The following PHKB variants were observed in gnomAD, a reference collection of about 807,000 sequenced individuals.
PHKB encodes the protein phosphorylase b kinase regulatory subunit beta.
In PHKB, 122 loss-of-function variants were observed where a neutral mutation model predicts 152.1. The observed-to-expected ratio is 0.80, with a 90% CI of 0.69 to 0.93. PHKB has a LOEUF of 0.93. Ranked by LOEUF, PHKB falls within the 40% of genes least tolerant of loss-of-function variation. PHKB has a pLI of 0.00. For synonymous variants in PHKB, 436 were observed against 464.9 expected, an observed-to-expected ratio of 0.94 and a Z score of 0.80; for missense variants, 1,304 against 1,328.4, an observed-to-expected ratio of 0.98 and a Z score of 0.29.
intron 4 of PHKB, among the ~76,000 whole-genome samples, chr16:47,508,285 C>G (rs1340540654): frequency 6.6e-6 from 1 of 152,164 alleles, no homozygotes; most frequent in Non-Finnish European, 1.5e-5. Flanking sequence ...TTTTACCTCT[C>G]AGTGTGCAGA....
intron 14 of PHKB, chr16:47,619,176 C>G (rs940809526): frequency 1.3e-5 from 2 of 152,070 alleles, no homozygotes; most frequent in African/African-American, 4.8e-5. Context: ...CTCCAAGGTC[C>G]CACAGTTGTC....
At chr16:47,627,719 G>A (rs1308000374) in intron 14 of PHKB, among the ~76,000 whole-genome samples, 1 of 152,144 alleles carries the variant, frequency 6.6e-6, no homozygotes, top group Non-Finnish European at 1.5e-5. Flanking sequence ...GCTTGATATT[G>A]TTATTCCTCT....
At chr16:47,528,356 T>G (rs2151659868) in intron 6 of PHKB, among the ~76,000 whole-genome samples, 1 of 152,310 alleles carries the variant, frequency 6.6e-6, no homozygotes, top group South Asian at 2.1e-4. Context: ...TCTTACTTTT[T>G]CTCTTCATCT....
chr16:47,524,162 A>G (rs974543706), intron 6 of PHKB, among the ~76,000 whole-genome samples: 5 of 152,112 alleles, frequency 3.3e-5, no homozygotes, highest in Admixed American at 3.3e-4. Context: ...AGTTTTGTCA[A>G]TATTCTTACT....
At chr16:47,464,019 T>A in intron 1 of PHKB, 1 of 1,379,142 alleles carries the variant, frequency 7.3e-7, no homozygotes, top group Non-Finnish European at 1.0e-6. Flanking sequence ...CCCAAAAGGG[T>A]CACTTGGTAA....
At chr16:47,657,231 C>T (rs543719070) in intron 20 of PHKB, among the ~76,000 whole-genome samples, 2 of 152,302 alleles carry the variant, frequency 1.3e-5, no homozygotes, top group East Asian at 1.9e-4. Context: ...GTACTCTCCT[C>T]ACTACTGTTA....
chr16:47,635,366 T>A (rs1042425395), intron 14 of PHKB, among the ~76,000 whole-genome samples: 2 of 152,206 alleles, frequency 1.3e-5, no homozygotes, highest in Non-Finnish European at 2.9e-5. Flanking sequence ...TTTAAGAGTA[T>A]ATAATTTAAT....
chr16:47,606,238 A>G (rs924868509), intron 13 of PHKB, among the ~76,000 whole-genome samples: 9 of 152,214 alleles, frequency 5.9e-5, no homozygotes, highest in Non-Finnish European at 1.2e-4. Flanking sequence ...AACAATGCAG[A>G]TGTGCCTGGA....
chr16:47,522,394 AT>A (rs1970699505), intron 6 of PHKB, among the ~76,000 whole-genome samples: 2 of 151,762 alleles, frequency 1.3e-5, no homozygotes, highest in African/African-American at 4.8e-5. Context: ...AATGTCCCTT[AT>A]TTCATCCTTC....
chr16:47,598,791 T>A, intron 13 of PHKB: 1 of 1,585,696 alleles, frequency 6.3e-7, no homozygotes, highest in African/African-American at 1.3e-5. Flanking sequence ...TGCCTTGAAG[T>A]TGGTCTTCTA....
chr16:47,580,573 AAAG>A (rs1466541969), intron 8 of PHKB, among the ~76,000 whole-genome samples: 2 of 151,592 alleles, frequency 1.3e-5, no homozygotes, highest in Non-Finnish European at 1.5e-5. Flanking sequence ...AAAAAAAAAA[AAAG>A]AAAATTTTTT....
At chr16:47,655,337 TAAG>T (rs1973316918) in intron 20 of PHKB, among the ~76,000 whole-genome samples, 1 of 152,226 alleles carries the variant, frequency 6.6e-6, no homozygotes, top group African/African-American at 2.4e-5. Flanking sequence ...ATGTTTATTT[TAAG>T]AAGAAATCAA....
In PHKB at chr16:47,580,304, T is replaced by C. The variant is rs901695491; in HGVS notation, c.720T>C (p.Gly240=). ...GSTELHSSSV[G]LAKAALEAIN... ...TCCTTTTCTCTTTTAGCTCGGTTGG[T>C]TTAGCAAAAGCAGCTCTAGAAGCAA... is the stretch of plus-strand genomic sequence containing the variant. The change falls in exon 8 of 31, where the codon GGT becomes GGC. Residue 240 remains glycine (G), a synonymous_variant. Coordinates refer to ENST00000323584, the MANE Select transcript of PHKB (RefSeq NM_000293.3). 5 of 1,612,686 alleles carry C rather than the reference T, an allele frequency of 3.1e-6. No individual in the cohort carries two copies. The highest frequency in any genetic ancestry group is 4.2e-6 in the Non-Finnish European group (5 of 1,178,906).
chr16:47,586,694 A>G (rs2151696242), intron 8 of PHKB, among the ~76,000 whole-genome samples: 1 of 152,334 alleles, frequency 6.6e-6, no homozygotes, highest in African/African-American at 2.4e-5. Context: ...TTCAGAAAAT[A>G]GTATTAAAGT....
At chr16:47,684,835 T>C (rs932650160) in intron 26 of PHKB, among the ~76,000 whole-genome samples, 10 of 152,070 alleles carry the variant, frequency 6.6e-5, no homozygotes, top group African/African-American at 1.9e-4. Flanking sequence ...GTCTGAAGAA[T>C]ACTAACATTC....
In PHKB at chr16:47,681,739, G is replaced by C. The variant is rs139541667; in HGVS notation, c.2631-7302G>C. ...CCCTTTATCCAATTTGCCAGTCTGTGTCTTTTAGTTGGAGCATTTAGCCCA... is the reference window on the plus strand; with the variant it reads ...CCCTTTATCCAATTTGCCAGTCTGTCTCTTTTAGTTGGAGCATTTAGCCCA... On this transcript the variant is annotated intron_variant, in intron 26 of 30. Coordinates refer to ENST00000323584, the MANE Select transcript of PHKB (RefSeq NM_000293.3). Among the ~76,000 whole-genome samples the C allele has an allele frequency of 5.6e-3, 851 of 152,250 alleles. 8 individuals carry two copies. The highest frequency in any genetic ancestry group is 0.02 in the African/African-American group (813 of 41,528).
chr16:47,512,376 A>G (rs1298771016), intron 5 of PHKB, among the ~76,000 whole-genome samples: 1 of 152,186 alleles, frequency 6.6e-6, no homozygotes, highest in East Asian at 1.9e-4. Context: ...ATTTATGTGC[A>G]AAAGAAGGAA....
chr16:47,635,819 T>C (rs1024774464), intron 14 of PHKB, among the ~76,000 whole-genome samples: 2 of 152,266 alleles, frequency 1.3e-5, no homozygotes, highest in African/African-American at 4.8e-5. Flanking sequence ...TTAAACTTTC[T>C]GTGCCTCATT....
At chr16:47,638,593 T>C (rs1972961897) in intron 14 of PHKB, among the ~76,000 whole-genome samples, 1 of 152,244 alleles carries the variant, frequency 6.6e-6, no homozygotes, top group African/African-American at 2.4e-5. Context: ...AGTCACTTTT[T>C]TTAAATGAGG....
Sources: gnomAD v4.1 joint callset for allele counts (sites outside exome capture counted in the v4.1 genomes callset) on GRCh38, gnomAD v4.1.1 for gene constraint, MANE v1.5 for transcripts, NCBI Gene and HGNC (gene_info 2026-07-23, HGNC 2026-07-21) for gene names.